Variants in ACOT4 observed in about 807,000 individuals in gnomAD.
ACOT4 encodes acyl-CoA thioesterase 4.
ACOT4 carries 18 observed loss-of-function variants against 17.1 expected under a neutral mutation model. The observed-to-expected ratio is 1.05, with a 90% CI of 0.73 to 1.56. ACOT4 has a LOEUF of 1.56. ACOT4 is among the 40% of genes most tolerant of loss of function. The probability of loss-of-function intolerance (pLI) is 0.00; values close to 1 mark genes in which losing one functional copy is unlikely to be tolerated. For synonymous variants in ACOT4, 234 were observed against 236.6 expected, an observed-to-expected ratio of 0.99 and a Z score of 0.10; for missense variants, 574 against 557.2, an observed-to-expected ratio of 1.03 and a Z score of -0.30.
At chr14:73,594,132 C>A (rs1038226477) in intron 2 of ACOT4, among the ~76,000 whole-genome samples, 2 of 152,162 alleles carry the variant, frequency 1.3e-5, no homozygotes, top group African/African-American at 4.8e-5. Context: ...TAAATATTAT[C>A]TGTATATTGC....
chr14:73,593,134 C>T (rs184937465), intron 1 of ACOT4, among the ~76,000 whole-genome samples: 3 of 152,298 alleles, frequency 2.0e-5, no homozygotes, highest in Admixed American at 1.3e-4. Flanking sequence ...CACACTGTCT[C>T]TTCTCCACTT....
chr14:73,593,845 G>C lies in ACOT4; in HGVS notation c.601G>C (p.Asp201His), dbSNP rs76715250. The change falls in exon 2 of 3, where the codon GAC becomes CAC. Residue 201 changes from aspartate (D) to histidine (H), a missense_variant. Coordinates refer to ENST00000326303, the MANE Select transcript of ACOT4 (RefSeq NM_152331.4). ...CTTTGAAGATCTCCCCAATAACATGGACAACATATCCCTGGAGTACTTCGA... is the reference window on the plus strand; with the variant it reads ...CTTTGAAGATCTCCCCAATAACATGCACAACATATCCCTGGAGTACTTCGA... ...YNFEDLPNNM[D>H]NISLEYFEEA... 6.2e-7 allele frequency: 1 copy of C among 1,613,816 alleles called. No individual in the cohort carries two copies. Among genetic ancestry groups the C allele is most frequent in the Non-Finnish European group, 8.5e-7 (1 of 1,179,946 alleles).
chr14:73,592,267 T>C lies in ACOT4; in HGVS notation c.308T>C (p.Val103Ala), dbSNP rs1890166554. The change falls in exon 1 of 3, where the codon GTC becomes GCC. Residue 103 changes from valine to alanine, a missense_variant. Physicochemically the swap from Val to Ala is moderately conservative, Grantham distance 64. Transcript: ENST00000326303. ...AAGCGGGACGTACAGATTCCTTTTG[T>C]CGTGGAGTTGGAGGTGCTGGACGGC... ...FLKRDVQIPF[V>A]VELEVLDGHD... The C allele has an allele frequency of 1.2e-6, 2 of 1,613,088 alleles. No homozygotes were observed. The highest frequency in any genetic ancestry group is 2.7e-5 in the African/African-American group (2 of 74,986).
In ACOT4 at chr14:73,592,103, C is replaced by T; in HGVS notation, c.144C>T (p.Ala48=). The part of the protein sequence containing the change: ...LRDEKGALFR[A]HARYCADARG... ...ACGAGAAGGGCGCGCTCTTCCGGGC[C>T]CACGCGCGCTACTGCGCCGACGCCC... is the stretch of plus-strand genomic sequence containing the variant. The change falls in exon 1 of 3, where the codon GCC becomes GCT. Residue 48 remains alanine, a synonymous_variant. Transcript: ENST00000326303. The T allele has an allele frequency of 6.6e-7, 1 of 1,506,428 alleles. No homozygotes were observed. The highest frequency in any genetic ancestry group is 2.7e-5 in the East Asian group (1 of 37,238). 93.3% of individuals were successfully genotyped at this position (1,506,428 alleles called of 1,614,324 possible). A position where few individuals can be genotyped will look rare whatever the true frequency, so the allele number is the denominator to read the frequency against.
rs1290106266 is a variant in ACOT4, at chr14:73,595,387, G to T, written c.999G>T (p.Leu333Phe). 6.2e-7 allele frequency: 1 copy of T among 1,614,254 alleles called. No homozygotes were observed. Among genetic ancestry groups the T allele is most frequent in the South Asian group, 1.1e-5 (1 of 91,092 alleles). ...GQDDHNWRSE[L>F]YAQTVSERLQ... ...ATGACCATAACTGGAGAAGTGAGTT[G>T]TATGCCCAAACAGTCTCTGAACGGT... The change falls in exon 3 of 3, where the codon TTG (leucine) becomes TTT (phenylalanine). Residue 333 changes from leucine to phenylalanine, a missense_variant. By Grantham distance (22) the Leu-to-Phe change is conservative. Coordinates refer to ENST00000326303, the MANE Select transcript of ACOT4 (RefSeq NM_152331.4).
chr14:73,593,280 G>C (rs972403655), intron 1 of ACOT4, among the ~76,000 whole-genome samples: 1 of 151,744 alleles, frequency 6.6e-6, no homozygotes, highest in Admixed American at 6.6e-5. Flanking sequence ...AAAAACCAGA[G>C]GGCTGATGCA....
In ACOT4 at chr14:73,595,109, A is replaced by T. The variant is rs750467669; in HGVS notation, c.721A>T (p.Met241Leu). The T allele has an allele frequency of 3.7e-6, 6 of 1,614,174 alleles. No individual in the cohort carries two copies. The highest frequency in any genetic ancestry group is 5.1e-6 in the Non-Finnish European group (6 of 1,180,020). The change falls in exon 3 of 3, where the codon ATG (methionine) becomes TTG (leucine). Residue 241 changes from methionine (M) to leucine (L), a missense_variant. Met to Leu is a conservative substitution (Grantham distance 15). Coordinates refer to ENST00000326303, the MANE Select transcript of ACOT4 (RefSeq NM_152331.4). The part of the protein sequence containing the change: ...ISLGADICLS[M>L]ASFLKNVSAT... ...TCTAGGAGCTGATATTTGTCTCTCA[A>T]TGGCCTCATTCTTGAAGAATGTCTC...
In ACOT4 at chr14:73,592,211, G is replaced by C; in HGVS notation, c.252G>C (p.Leu84=). The C allele has an allele frequency of 6.2e-7, 1 of 1,612,738 alleles. No homozygotes were observed. Among genetic ancestry groups the C allele is most frequent in the Non-Finnish European group, 8.5e-7 (1 of 1,179,322 alleles). The change falls in exon 1 of 3, where the codon CTG becomes CTC. Residue 84 remains leucine, a synonymous_variant. Transcript: ENST00000326303. ...AGCCCATGGGGCTGCTCTGGGCCCT[G>C]GAACCCGAGAAGCCTTTTTGGCGCT... ...GLEPMGLLWA[L]EPEKPFWRFL...
Position 73,592,127 on chromosome 14 carries a change from C to T in ACOT4, c.168C>T (p.Ala56=), listed in dbSNP as rs542718736. 379 of 1,562,796 alleles carry T rather than the reference C, an allele frequency of 2.4e-4. 2 individuals are homozygous for T. In the East Asian group the frequency reaches 8.8e-3, roughly 36 times the overall value. The change falls in exon 1 of 3, where the codon GCC becomes GCT. Residue 56 remains alanine (A), a synonymous_variant. Transcript: ENST00000326303. ...FRAHARYCAD[A]RGELDLERAP... is the part of the protein sequence containing the mutation. ...CCCACGCGCGCTACTGCGCCGACGC[C>T]CGCGGCGAGCTGGACCTGGAGCGCG...
Position 73,592,525 on chromosome 14 carries a change from A to G in ACOT4, c.457+109A>G, listed in dbSNP as rs1388411469. The G allele has an allele frequency of 3.1e-6, 4 of 1,290,804 alleles. No individual in the cohort carries two copies. The African/African-American group carries it at 6.1e-5, about 20-fold the overall frequency. The allele number at this position is 1,290,804 out of a possible 1,614,324, so 80.0% of individuals were successfully genotyped here. A position where few individuals can be genotyped will look rare whatever the true frequency, so the allele number is the denominator to read the frequency against. Reference sequence around the variant, plus strand: ...GTTTTGGAGCAAGATCAGAGAAGCTAACATTGACTATGTCAGTGGCCACTC... The same window carrying G: ...GTTTTGGAGCAAGATCAGAGAAGCTGACATTGACTATGTCAGTGGCCACTC... On this transcript the variant is annotated intron_variant, in intron 1 of 2. Transcript: ENST00000326303.
At position 73,594,447 on chromosome 14, in the gene ACOT4, TCAGC is replaced by T. The variant is rs1890212443; in HGVS notation, c.660+544_660+547del. Among the ~76,000 whole-genome samples, 3 of 151,948 alleles carry T rather than the reference TCAGC, an allele frequency of 2.0e-5. No homozygotes were observed. In the South Asian group the frequency reaches 6.2e-4, roughly 32 times the overall value. On this transcript the variant is annotated intron_variant, in intron 2 of 2. Transcript: ENST00000326303. ...TTGATGGGATCTGTGGCTCAGCGGC[TCAGC>T]GGCTCAGCATTCTCTAGTGGATAAT...
Position 73,595,238 on chromosome 14 carries a change from G to C in ACOT4, c.850G>C (p.Val284Leu), listed in dbSNP as rs1890227059. 1.2e-6 allele frequency: 2 copies of C among 1,614,080 alleles called. No individual in the cohort carries two copies. Among genetic ancestry groups the C allele is most frequent in the African/African-American group, 2.7e-5 (2 of 74,926 alleles). Residue 284 changes from valine (V) to leucine (L), a missense_variant, in exon 3 of 3, where the codon GTA becomes CTA. By Grantham distance (32) the Val-to-Leu change is conservative. Transcript: ENST00000326303. ...GGGCTATGACCTGAGGAGAATCAAG[G>C]TAGCTTTCTCAGGCCTCGTGGACAT... ...PLGYDLRRIK[V>L]AFSGLVDIVD...
At chr14:73,592,875 A>G (rs1236523903) in intron 1 of ACOT4, among the ~76,000 whole-genome samples, 1 of 152,228 alleles carries the variant, frequency 6.6e-6, no homozygotes, top group East Asian at 1.9e-4. Flanking sequence ...AAGAAAAAAA[A>G]GGATTTTTTG....
At chr14:73,594,705 T>TTTA (rs1595179312) in intron 2 of ACOT4, among the ~76,000 whole-genome samples, 1 of 151,848 alleles carries the variant, frequency 6.6e-6, no homozygotes, top group East Asian at 1.9e-4. Context: ...TATTTATTTA[T>TTTA]TTATTTATCT....
intron 1 of ACOT4, among the ~76,000 whole-genome samples, chr14:73,593,336 C>CTTTTTTTTTTTTTTTTTTTTTTT (rs60704237): frequency 9.5e-6 from 1 of 104,870 alleles, no homozygotes; most frequent in Non-Finnish European, 1.8e-5. Flanking sequence ...TTCTTTCTTT[C>CTTTTTTTTTTTTTTTTTTTTTTT]TTTTTTTTTT....
Position 73,595,664 on chromosome 14 carries a change from CTGT to C in ACOT4, c.*16_*18del, listed in dbSNP as rs1400607100. The C allele has an allele frequency of 1.3e-6, 2 of 1,513,322 alleles. No homozygotes were observed. The highest frequency in any genetic ancestry group is 8.8e-7 in the Non-Finnish European group (1 of 1,131,920). 93.7% of individuals were successfully genotyped at this position (1,513,322 alleles called of 1,614,324 possible). ...TGTCCCTAAATTGTAATGCATTTGT[CTGT>C]TGTTGACATGAGAGATTCAAGATCA... On this transcript the variant is annotated 3_prime_UTR_variant, in exon 3 of 3. Transcript: ENST00000326303.
At chr14:73,593,650 CA>C (rs1890193297) in intron 1 of ACOT4, 51 bp from the exon 2 acceptor site, 2 of 1,515,106 alleles carry the variant, frequency 1.3e-6, no homozygotes, top group South Asian at 2.5e-5. Context: ...GCCAGGAAAG[CA>C]AATTCTTTAA....
chr14:73,595,706 A>C lies in ACOT4; in HGVS notation c.*52A>C. The C allele has an allele frequency of 6.7e-7, 1 of 1,498,502 alleles. No individual in the cohort carries two copies. Among genetic ancestry groups the C allele is most frequent in the Non-Finnish European group, 8.9e-7 (1 of 1,122,752 alleles). The allele number at this position is 1,498,502 out of a possible 1,614,324, so 92.8% of individuals were successfully genotyped here. On this transcript the variant is annotated 3_prime_UTR_variant, in exon 3 of 3. Coordinates refer to ENST00000326303, the MANE Select transcript of ACOT4 (RefSeq NM_152331.4). ...GATTCAAGATCAGATTCTAGTGTTC[A>C]GTAACCCTATGTGAATCAGATGTCT...
intron 2 of ACOT4, among the ~76,000 whole-genome samples, chr14:73,594,169 T>G (rs1028823680): frequency 2.0e-5 from 3 of 152,250 alleles, no homozygotes; most frequent in African/African-American, 7.2e-5. Flanking sequence ...CTACTGTCTT[T>G]GCATGCTTGT....
Sources: allele counts gnomAD v4.1 joint callset (sites outside exome capture counted in the v4.1 genomes callset), GRCh38; gene constraint gnomAD v4.1.1; transcripts MANE v1.5; gene names NCBI Gene and HGNC (gene_info 2026-07-23, HGNC 2026-07-21).